Variants in RBFOX1 observed in about 807,000 individuals in gnomAD.
The protein encoded by RBFOX1 is RNA binding protein fox-1 homolog 1.
RBFOX1 carries 8 observed loss-of-function variants against 57.7 expected under a neutral mutation model. That is an observed-to-expected ratio of 0.14 (90% confidence interval 0.08 to 0.25). The LOEUF (loss-of-function observed/expected upper bound fraction) is 0.25. Ranked by LOEUF, RBFOX1 falls within the 10% of genes least tolerant of loss-of-function variation. The pLI is 1.00. For synonymous variants in RBFOX1, 326 were observed against 222.4 expected (o/e 1.47, Z -4.15); for missense variants, 611 against 548.5 (o/e 1.11, Z -1.14).
intron 2 of RBFOX1, among the ~76,000 whole-genome samples, chr16:6,614,048 C>T (rs1484021355): frequency 6.6e-6 from 1 of 152,196 alleles, no homozygotes; most frequent in Admixed American, 6.5e-5. Flanking sequence ...TTAGGTGAAA[C>T]TTTCCCTTTC....
intron 3 of RBFOX1, chr16:5,611,165 G>C (rs1209849200): frequency 6.6e-6 from 1 of 152,236 alleles, no homozygotes; most frequent in African/African-American, 2.4e-5. Context: ...CAGTCTCCCT[G>C]CCTGCCTTCC....
At chr16:6,921,638 TA>T (rs1247824950) in intron 3 of RBFOX1, among the ~76,000 whole-genome samples, 772 of 70,166 alleles carry the variant, frequency 0.011, 8 homozygotes, top group African/African-American at 0.034. Context: ...TATATATATA[TA>T]TATATATTTT....
intron 2 of RBFOX1, among the ~76,000 whole-genome samples, chr16:6,494,178 C>G (rs181618524): frequency 6.6e-6 from 1 of 152,152 alleles, no homozygotes; most frequent in Non-Finnish European, 1.5e-5. Context: ...CACATCGTAT[C>G]GAGGATACTG....
chr16:6,820,311 C>T (rs2091043753), intron 3 of RBFOX1, among the ~76,000 whole-genome samples: 1 of 152,102 alleles, frequency 6.6e-6, no homozygotes, highest in Non-Finnish European at 1.5e-5. Context: ...ACTAATACGT[C>T]CTCTTAATCA....
At position 6,143,959 on chromosome 16, in the gene RBFOX1, C is replaced by CCACATATATATATATATATA. The variant is rs71404590; in HGVS notation, c.-127+123967_-127+123968insCACATATATATATATATATA. On this transcript the variant is annotated intron_variant, in intron 1 of 15. Coordinates refer to ENST00000550418, the MANE Select transcript of RBFOX1 (RefSeq NM_018723.4). ...TGCAGGTGTGCAACACCATACTCAG[C>CCACATATATATATATATATA]TATATATATATATATATATATATCT... Among the ~76,000 whole-genome samples the CCACATATATATATATATATA allele has an allele frequency of 1.2e-3, 173 of 139,858 alleles. 4 individuals are homozygous for CCACATATATATATATATATA. The highest frequency in any genetic ancestry group is 4.4e-3 in the African/African-American group (158 of 35,540). The allele number at this position is 139,858 out of a possible 152,430, so 91.8% of individuals were successfully genotyped here.
At chr16:6,711,401 T>C (rs140321377) in intron 3 of RBFOX1, among the ~76,000 whole-genome samples, 3 of 152,202 alleles carry the variant, frequency 2.0e-5, no homozygotes, top group Non-Finnish European at 2.9e-5. Context: ...TCTCCTGATA[T>C]GGTTTGACTC....
intron 3 of RBFOX1, among the ~76,000 whole-genome samples, chr16:5,696,755 ATG>A (rs1374170240): frequency 2.6e-5 from 4 of 152,202 alleles, no homozygotes; most frequent in African/African-American, 9.7e-5. Flanking sequence ...TGAATACAGT[ATG>A]TCTTACCATT....
intron 3 of RBFOX1, among the ~76,000 whole-genome samples, chr16:5,741,708 C>A (rs981757804): frequency 2.0e-5 from 3 of 152,074 alleles, no homozygotes; most frequent in Non-Finnish European, 2.9e-5. Flanking sequence ...TAAATTTGGG[C>A]CGGTTAAAGT....
chr16:6,487,638 G>C (rs2095514434), intron 2 of RBFOX1, among the ~76,000 whole-genome samples: 1 of 134,256 alleles, frequency 7.4e-6, no homozygotes, highest in Non-Finnish European at 1.5e-5. Context: ...AGTAGAACTA[G>C]TGTTTTCAGC....
intron 12 of RBFOX1, among the ~76,000 whole-genome samples, chr16:7,656,924 C>G (rs975551133): frequency 6.6e-6 from 1 of 152,124 alleles, no homozygotes; most frequent in South Asian, 2.1e-4. Flanking sequence ...TCCTAAATTG[C>G]CACAGTGAAA....
chr16:7,300,478 G>C (rs186030014), intron 4 of RBFOX1, among the ~76,000 whole-genome samples: 132 of 152,332 alleles, frequency 8.7e-4, no homozygotes, highest in Non-Finnish European at 1.5e-3. Flanking sequence ...GGAAGTGAAA[G>C]TAAAATATTT....
chr16:7,653,539 A>T (rs2065575080), intron 11 of RBFOX1, among the ~76,000 whole-genome samples: 1 of 152,158 alleles, frequency 6.6e-6, no homozygotes, highest in Non-Finnish European at 1.5e-5. Flanking sequence ...TCATGCAGTG[A>T]GCTTTTCTCC....
intron 3 of RBFOX1, among the ~76,000 whole-genome samples, chr16:5,774,017 C>T (rs1049688200): frequency 1.3e-5 from 2 of 152,150 alleles, no homozygotes; most frequent in Admixed American, 1.3e-4. Flanking sequence ...TTAATCGATA[C>T]TGCCCATTTG....
intron 3 of RBFOX1, among the ~76,000 whole-genome samples, chr16:6,901,444 G>T (rs781390121): frequency 5.9e-5 from 9 of 152,148 alleles, no homozygotes; most frequent in Non-Finnish European, 4.4e-5. Flanking sequence ...AGAGGTCAAA[G>T]GGTGCCTGGC....
chr16:7,227,790 A>T (rs1437310243), intron 4 of RBFOX1, among the ~76,000 whole-genome samples: 1 of 151,906 alleles, frequency 6.6e-6, no homozygotes, highest in African/African-American at 2.4e-5. Flanking sequence ...GACACAGGAA[A>T]CTCCTACCTC....
At chr16:5,841,346 C>T (rs759090739) in intron 3 of RBFOX1, among the ~76,000 whole-genome samples, 7 of 152,186 alleles carry the variant, frequency 4.6e-5, no homozygotes, top group African/African-American at 9.7e-5. Flanking sequence ...TGCAGCTGCA[C>T]TGCCACTCAT....
At chr16:6,797,461 AAC>A (rs1183706658) in intron 3 of RBFOX1, among the ~76,000 whole-genome samples, 1 of 152,136 alleles carries the variant, frequency 6.6e-6, no homozygotes, top group Non-Finnish European at 1.5e-5. Context: ...AAAACAGTTA[AAC>A]ACATATATCC....
At chr16:6,519,383 A>C (rs1480389961) in intron 2 of RBFOX1, among the ~76,000 whole-genome samples, 1 of 152,138 alleles carries the variant, frequency 6.6e-6, no homozygotes, top group African/African-American at 2.4e-5. Context: ...CCACCTTGGG[A>C]AAACCCAGAG....
chr16:5,376,875 C>T (rs564755), intron 1 of RBFOX1, among the ~76,000 whole-genome samples: 23,505 of 151,534 alleles, frequency 0.16, 2,614 homozygotes, highest in African/African-American at 0.26. Flanking sequence ...TCTGCGTCAT[C>T]TCCAAGTGGC....
Sources: allele counts gnomAD v4.1 joint callset (sites outside exome capture counted in the v4.1 genomes callset), GRCh38; gene constraint gnomAD v4.1.1; transcripts MANE v1.5; gene names NCBI Gene and HGNC (gene_info 2026-07-23, HGNC 2026-07-21).